DMXL1: variants seen among roughly 807,000 people sequenced by gnomAD.
The protein encoded by DMXL1 is Dmx like 1.
A neutral mutation model predicts 319.2 loss-of-function variants in DMXL1; 99 were observed. The observed-to-expected ratio is 0.31, with a 90% confidence interval of 0.26 to 0.37. DMXL1 has a LOEUF of 0.37. Ranked by LOEUF, DMXL1 falls within the 10% of genes least tolerant of loss-of-function variation. The probability of loss-of-function intolerance (pLI) is 1.00; values close to 1 mark genes in which losing one functional copy is unlikely to be tolerated. For missense variants in DMXL1, 3,745 were observed against 3,595.6 expected (o/e 1.04, Z -1.06); for synonymous variants, 1,385 against 1,235.2 (o/e 1.12, Z -2.54).
chr5:119,218,894 A>G (rs1357494663), intron 35 of DMXL1, among the ~76,000 whole-genome samples: 2 of 152,170 alleles, frequency 1.3e-5, no homozygotes, highest in Non-Finnish European at 2.9e-5. Context: ...GTCAAAAACT[A>G]TGAAGGGTCT....
At chr5:119,112,993 T>C (rs1353595495) in intron 5 of DMXL1, among the ~76,000 whole-genome samples, 2 of 152,170 alleles carry the variant, frequency 1.3e-5, no homozygotes, top group African/African-American at 4.8e-5. Flanking sequence ...GTATTTTGTC[T>C]TAAGGATATC....
At chr5:119,076,028 G>A (rs1201370585) in intron 1 of DMXL1, among the ~76,000 whole-genome samples, 2 of 151,672 alleles carry the variant, frequency 1.3e-5, no homozygotes, top group East Asian at 1.9e-4. Context: ...CTATACTTAG[G>A]GTTGAAACTG....
intron 13 of DMXL1, among the ~76,000 whole-genome samples, chr5:119,137,765 C>G (rs1766355983): frequency 6.6e-6 from 1 of 152,166 alleles, no homozygotes; most frequent in African/African-American, 2.4e-5. Flanking sequence ...TGAGGGCTCC[C>G]CTGCCATGCA....
At position 119,196,439 on chromosome 5, in the gene DMXL1, C is replaced by T; in HGVS notation, c.7526C>T (p.Ala2509Val). The stretch of plus-strand genomic sequence containing the variant: ...AATTTGAAGACTTTTTATCCCTTCG[C>T]AGGTCATGATCTTGCAGGTAATAAA... Reference protein sequence around the residue: ...LNNLKTFYPFAGHDLAELPVS... With the variant: ...LNNLKTFYPFVGHDLAELPVS... The change falls in exon 31 of 44, where the codon GCA (alanine) becomes GTA (valine). Residue 2509 changes from alanine to valine, a missense_variant. Around this residue, in one of 4 missense-constraint regions of DMXL1, gnomAD observed 1,382 missense variants for 1,269.5 expected, o/e 1.09. Coordinates refer to ENST00000539542, the MANE Select transcript of DMXL1 (RefSeq NM_001290321.3). 1.2e-6 allele frequency: 2 copies of T among 1,612,734 alleles called. No individual in the cohort carries two copies. The highest frequency in any genetic ancestry group is 1.7e-6 in the Non-Finnish European group (2 of 1,179,322).
At chr5:119,175,416 A>G in intron 26 of DMXL1, 79 bp downstream of exon 26, 3 of 967,472 alleles carry the variant, frequency 3.1e-6, no homozygotes, top group South Asian at 3.0e-5. Flanking sequence ...GTGGTTTAGA[A>G]CTATATATAA....
rs1329709716 is a variant in DMXL1, at chr5:119,170,935, T to C, written c.6144T>C (p.Tyr2048=). ...AACTTCGTACTTTATCTACTGGCTA[T>C]GAAATAGATGGTGGAAAATTGCGTT... is the stretch of plus-strand genomic sequence containing the variant. ...TVELRTLSTG[Y]EIDGGKLRYQ... Residue 2048 remains tyrosine, a synonymous_variant, in exon 24 of 44, where the codon TAT becomes TAC. Transcript: ENST00000539542. 6.2e-7 allele frequency: 1 copy of C among 1,613,620 alleles called. No homozygotes were observed.
At chr5:119,155,741 C>T (rs1770873594) in intron 19 of DMXL1, among the ~76,000 whole-genome samples, 1 of 149,796 alleles carries the variant, frequency 6.7e-6, no homozygotes, top group Non-Finnish European at 1.5e-5. Flanking sequence ...ATAGGAATAT[C>T]ACTTGAGTCC....
chr5:119,166,901 G>A, intron 22 of DMXL1, 120 bp downstream of exon 22: 1 of 709,772 alleles, frequency 1.4e-6, no homozygotes, highest in Non-Finnish European at 2.2e-6. Context: ...CCAAATATCT[G>A]AAATAACTGT....
chr5:119,234,113 G>C (rs1292791389), intron 39 of DMXL1, among the ~76,000 whole-genome samples: 1 of 152,050 alleles, frequency 6.6e-6, no homozygotes, highest in Non-Finnish European at 1.5e-5. Flanking sequence ...AAGTTTGCCA[G>C]ACCTGCTCTA....
At chr5:119,209,469 C>T (rs1481504275) in intron 34 of DMXL1, among the ~76,000 whole-genome samples, 2 of 151,984 alleles carry the variant, frequency 1.3e-5, no homozygotes, top group South Asian at 4.2e-4. Flanking sequence ...CTTGCCTCAG[C>T]CTTCTGAGCA....
At chr5:119,085,038 A>T (rs530786684) in intron 1 of DMXL1, among the ~76,000 whole-genome samples, 2 of 151,998 alleles carry the variant, frequency 1.3e-5, no homozygotes, top group African/African-American at 4.8e-5. Flanking sequence ...CTTTGGTTAA[A>T]TTAATTCCAG....
intron 29 of DMXL1, among the ~76,000 whole-genome samples, chr5:119,191,424 C>G (rs1025931333): frequency 2.0e-5 from 3 of 152,146 alleles, no homozygotes; most frequent in Non-Finnish European, 4.4e-5. Context: ...TTTGGGTCTC[C>G]TTGTTCCTCA....
At chr5:119,146,528 A>G (rs933105176) in intron 15 of DMXL1, among the ~76,000 whole-genome samples, 2 of 151,998 alleles carry the variant, frequency 1.3e-5, no homozygotes, top group African/African-American at 4.8e-5. Flanking sequence ...TACATATTAC[A>G]TAGTTCCTAT....
intron 17 of DMXL1, among the ~76,000 whole-genome samples, chr5:119,147,733 G>A (rs79435830): frequency 0.039 from 5,979 of 152,240 alleles, 314 homozygotes; most frequent in African/African-American, 0.12. Flanking sequence ...GACAGTTTCT[G>A]GAGCGGAGAT....
intron 9 of DMXL1, among the ~76,000 whole-genome samples, chr5:119,121,904 C>A (rs1165497695): frequency 1.3e-4 from 19 of 141,306 alleles, no homozygotes; most frequent in South Asian, 4.5e-4. Context: ...GCTGGCCGGG[C>A]GGGGGGCTGA....
At chr5:119,071,768 G>T (rs994382537) in intron 1 of DMXL1, 112 bp downstream of exon 1, 4 of 971,730 alleles carry the variant, frequency 4.1e-6, no homozygotes, top group African/African-American at 1.7e-5. Context: ...TCCCCAGGGG[G>T]GTCCTTACCA....
intron 1 of DMXL1, among the ~76,000 whole-genome samples, chr5:119,092,931 C>G (rs1414730227): frequency 6.6e-6 from 1 of 152,114 alleles, no homozygotes. Context: ...CCCTTTGTGG[C>G]CATTATGAAT....
chr5:119,189,693 T>C lies in DMXL1; in HGVS notation c.7136-15T>C. ...AAAATAGTACTTCAGTAACATTTTATTTTCTTTTTGTTAGTTTCTTCACTA... is the reference window on the plus strand; with the variant it reads ...AAAATAGTACTTCAGTAACATTTTACTTTCTTTTTGTTAGTTTCTTCACTA... On this transcript the variant is annotated splice_polypyrimidine_tract_variant and intron_variant, in intron 28 of 43. Transcript: ENST00000539542. 6.2e-7 allele frequency: 1 copy of C among 1,612,082 alleles called. No homozygotes were observed. The highest frequency in any genetic ancestry group is 8.5e-7 in the Non-Finnish European group (1 of 1,178,440).
At position 119,171,002 on chromosome 5, in the gene DMXL1, C is replaced by T; in HGVS notation, c.6211C>T (p.Gln2071Ter). Residue 2071 changes from glutamine to a stop codon, truncating the protein, a stop_gained, in exon 24 of 44, where the codon CAG (glutamine) becomes TAG (stop). Coordinates refer to ENST00000539542, the MANE Select transcript of DMXL1 (RefSeq NM_001290321.3). LOFTEE classifies it high-confidence loss of function. ...HWLEKEVIAL[Q>*]RTCDFCSDAE... The stretch of plus-strand genomic sequence containing the variant: ...GCTTGAAAAAGAGGTGATAGCTCTT[C>T]AGAGGACTTGTGACTTTTGCTCAGA... 6.2e-7 allele frequency: 1 copy of T among 1,613,838 alleles called. No individual in the cohort carries two copies. The highest frequency in any genetic ancestry group is 8.5e-7 in the Non-Finnish European group (1 of 1,179,894).
Sources: allele counts gnomAD v4.1 joint callset (sites outside exome capture counted in the v4.1 genomes callset), GRCh38; gene constraint gnomAD v4.1.1; regional missense constraint gnomAD v4.1.1; transcripts MANE v1.5; gene names NCBI Gene and HGNC (gene_info 2026-07-23, HGNC 2026-07-21).